Variants in CAST observed in about 807,000 individuals in gnomAD.
CAST encodes MIR583 host.
In CAST, 76 loss-of-function variants were observed where a neutral mutation model predicts 119.6. The ratio of observed to expected loss-of-function variants is 0.64; its 90% CI spans 0.53 to 0.77. CAST has a LOEUF of 0.77. Among genes scored for constraint, CAST ranks in the 30% least tolerant of loss-of-function variants. The probability of loss-of-function intolerance (pLI) is 0.00; values close to 1 mark genes in which losing one functional copy is unlikely to be tolerated. For missense variants in CAST, 953 were observed against 946.5 expected, an observed-to-expected ratio of 1.01 and a Z score of -0.09; for synonymous variants, 319 against 331.6, an observed-to-expected ratio of 0.96 and a Z score of 0.41.
chr5:96,029,906 C>T, the CAST span, among the ~76,000 whole-genome samples: 7 of 152,014 alleles, frequency 4.6e-5, no homozygotes, highest in Non-Finnish European at 1.0e-4. Flanking sequence ...CTGCCTCAGC[C>T]GGGCTGTTTC....
the CAST span, among the ~76,000 whole-genome samples, chr5:96,095,312 G>T: frequency 6.6e-6 from 1 of 152,046 alleles, no homozygotes; most frequent in Non-Finnish European, 1.5e-5. Flanking sequence ...CTGGCCAGGT[G>T]TAGTGGCTCA....
At chr5:96,499,887 A>C in the CAST span, among the ~76,000 whole-genome samples, 2 of 152,148 alleles carry the variant, frequency 1.3e-5, no homozygotes, top group Non-Finnish European at 2.9e-5. Context: ...CTTTTGATTT[A>C]AGCTAGATCA....
At chr5:96,234,105 A>AT in the CAST span, among the ~76,000 whole-genome samples, 6 of 152,208 alleles carry the variant, frequency 3.9e-5, no homozygotes, top group Admixed American at 3.9e-4. Context: ...CTTGGCTTAT[A>AT]TTCAGGAAAT....
the CAST span, among the ~76,000 whole-genome samples, chr5:96,040,424 T>C: frequency 6.6e-6 from 1 of 152,194 alleles, no homozygotes; most frequent in Non-Finnish European, 1.5e-5. Flanking sequence ...ATAGGAGTGG[T>C]GAGAGAGGGC....
intron 1 of CAST, among the ~76,000 whole-genome samples, chr5:96,597,511 A>G (rs1477330460): frequency 6.6e-6 from 1 of 152,168 alleles, no homozygotes; most frequent in Non-Finnish European, 1.5e-5. Flanking sequence ...TCTAATTACC[A>G]CTAACTAGAG....
At chr5:96,196,262 C>A in the CAST span, among the ~76,000 whole-genome samples, 4 of 152,228 alleles carry the variant, frequency 2.6e-5, no homozygotes, top group East Asian at 7.7e-4. Context: ...TTTCCTAATA[C>A]CCTTTCAGCC....
At chr5:96,292,984 A>C in the CAST span, among the ~76,000 whole-genome samples, 1 of 152,254 alleles carries the variant, frequency 6.6e-6, no homozygotes, top group Admixed American at 6.5e-5. Flanking sequence ...TGTTGAATAA[A>C]TGTTTGAATG....
chr5:96,262,940 G>A, the CAST span, among the ~76,000 whole-genome samples: 6 of 152,062 alleles, frequency 3.9e-5, no homozygotes, highest in Non-Finnish European at 8.8e-5. Context: ...GCCTCAAGAT[G>A]CCCACAGTTT....
At chr5:96,507,986 C>A in the CAST span, among the ~76,000 whole-genome samples, 1 of 121,998 alleles carries the variant, frequency 8.2e-6, no homozygotes, top group African/African-American at 3.2e-5. Flanking sequence ...AGTTATATCC[C>A]TGACATTATT....
the CAST span, chr5:96,318,363 T>A: frequency 6.6e-6 from 1 of 152,234 alleles, no homozygotes; most frequent in South Asian, 2.1e-4. Context: ...GGGAAGTGAA[T>A]GCTTTTTGCC....
the CAST span, among the ~76,000 whole-genome samples, chr5:96,346,546 C>T: frequency 6.6e-6 from 1 of 152,122 alleles, no homozygotes; most frequent in Non-Finnish European, 1.5e-5. Context: ...TACCCCTTGA[C>T]TCCTGGATTC....
chr5:96,394,976 A>C, the CAST span: 4 of 1,614,070 alleles, frequency 2.5e-6, no homozygotes, highest in South Asian at 4.4e-5. Context: ...GGTCCCGTGC[A>C]AAATCAGCTT....
the CAST span, among the ~76,000 whole-genome samples, chr5:95,975,657 T>C: frequency 5.3e-5 from 8 of 152,326 alleles, no homozygotes; most frequent in East Asian, 1.5e-3. Flanking sequence ...AACTAAGATA[T>C]AACATGCAGT....
upstream of CAST, among the ~76,000 whole-genome samples, chr5:96,660,518 TAA>T (rs1198722973): frequency 6.6e-6 from 1 of 152,226 alleles, no homozygotes; most frequent in African/African-American, 2.4e-5. Context: ...ACTCAATTTT[TAA>T]ATACTCTGTT....
chr5:96,165,368 ATG>A, the CAST span, among the ~76,000 whole-genome samples: 1 of 152,312 alleles, frequency 6.6e-6, no homozygotes, highest in East Asian at 1.9e-4. Context: ...AGAAAAGTCC[ATG>A]TGGAAAAGTA....
chr5:96,594,053 A>C (rs1747011344), intron 1 of CAST, among the ~76,000 whole-genome samples: 1 of 152,250 alleles, frequency 6.6e-6, no homozygotes, highest in Admixed American at 6.5e-5. Flanking sequence ...AAGACTCAAA[A>C]TTATAGTACA....
chr5:96,729,995 C>T (rs1385612599), intron 8 of CAST, among the ~76,000 whole-genome samples: 1 of 151,142 alleles, frequency 6.6e-6, no homozygotes, highest in African/African-American at 2.4e-5. Context: ...GCTGTGACTG[C>T]AGGGCAGCAG....
the CAST span, among the ~76,000 whole-genome samples, chr5:96,221,857 A>G: frequency 1.3e-5 from 2 of 152,178 alleles, no homozygotes; most frequent in Non-Finnish European, 2.9e-5. Flanking sequence ...ACTTCAAAGT[A>G]TATTACAAGG....
At chr5:96,143,628 C>A in the CAST span, among the ~76,000 whole-genome samples, 1 of 152,168 alleles carries the variant, frequency 6.6e-6, no homozygotes, top group Non-Finnish European at 1.5e-5. Context: ...TAACCATTAA[C>A]AATGGTGCTT....
Sources: gnomAD v4.1 joint callset for allele counts (sites outside exome capture counted in the v4.1 genomes callset) on GRCh38, gnomAD v4.1.1 for gene constraint, MANE v1.5 for transcripts, NCBI Gene and HGNC (gene_info 2026-07-23, HGNC 2026-07-21) for gene names.